ATXN2: variants seen among roughly 807,000 people sequenced by gnomAD.
The protein encoded by ATXN2 is ataxin-2.
ATXN2 carries 37 observed loss-of-function variants against 138.6 expected under a neutral mutation model. That is an observed-to-expected ratio of 0.27 (90% CI 0.21 to 0.35). ATXN2 has a LOEUF of 0.35. Ranked by LOEUF, ATXN2 falls within the 10% of genes least tolerant of loss-of-function variation. ATXN2 has a pLI of 1.00. For synonymous variants in ATXN2, 549 were observed against 543.7 expected, an observed-to-expected ratio of 1.01 and a Z score of -0.13; for missense variants, 1,216 against 1,480.3, an observed-to-expected ratio of 0.82 and a Z score of 2.93.
intron 6 of ATXN2, among the ~76,000 whole-genome samples, chr12:111,524,759 G>A (rs1040169351): frequency 7.9e-5 from 12 of 152,094 alleles, no homozygotes; most frequent in African/African-American, 2.7e-4. Context: ...TTATCTTAAT[G>A]ACAACCTTTT....
At chr12:111,550,026 C>T (rs549222057) in intron 5 of ATXN2, among the ~76,000 whole-genome samples, 5 of 146,418 alleles carry the variant, frequency 3.4e-5, no homozygotes, top group African/African-American at 1.0e-4. Flanking sequence ...CAGGCCACTG[C>T]ACTCCAGCCT....
intron 1 of ATXN2, among the ~76,000 whole-genome samples, chr12:111,591,225 CT>C (rs1278228051): frequency 1.3e-5 from 2 of 152,080 alleles, no homozygotes; most frequent in Admixed American, 6.6e-5. Flanking sequence ...TCCCCTGCCC[CT>C]ATGGAAAAAC....
At chr12:111,477,595 T>C (rs2135684859) in intron 18 of ATXN2, among the ~76,000 whole-genome samples, 1 of 152,190 alleles carries the variant, frequency 6.6e-6, no homozygotes, top group South Asian at 2.1e-4. Flanking sequence ...TAAATAAGGC[T>C]TCATTAAAAT....
In ATXN2 at chr12:111,552,821, C is replaced by T; in HGVS notation, c.420+85G>A. 1 of 900,622 alleles carries T rather than the reference C, an allele frequency of 1.1e-6. No individual in the cohort carries two copies. Among genetic ancestry groups the T allele is most frequent in the Admixed American group, 3.1e-5 (1 of 32,270 alleles). 55.8% of individuals were successfully genotyped at this position (900,622 alleles called of 1,614,324 possible). On this transcript the variant is annotated intron_variant, in intron 4 of 24. Coordinates refer to ENST00000673436, the MANE Select transcript of ATXN2 (RefSeq NM_001372574.1). The surrounding 1 kb of genome is among the most constrained non-coding windows in gnomAD (Gnocchi z 4.1). ...TTTGAAACTGAGAAGTAAAATCATT[C>T]AAAGTGGCTTTAAAAACTAGGTAAA...
intron 6 of ATXN2, among the ~76,000 whole-genome samples, chr12:111,524,813 T>C: frequency 6.6e-6 from 1 of 152,232 alleles, no homozygotes; most frequent in Non-Finnish European, 1.5e-5. Flanking sequence ...ACCTCTTCTC[T>C]AGGTGAAGTC....
intron 1 of ATXN2, among the ~76,000 whole-genome samples, chr12:111,572,304 G>T (rs1883369394): frequency 6.6e-6 from 1 of 151,854 alleles, no homozygotes; most frequent in Non-Finnish European, 1.5e-5. Context: ...GAGAGGCTGA[G>T]GCAGGAGAAT....
chr12:111,477,920 G>A (rs1308406990), intron 18 of ATXN2, among the ~76,000 whole-genome samples: 1 of 151,702 alleles, frequency 6.6e-6, no homozygotes, highest in Non-Finnish European at 1.5e-5. Context: ...CAAGTAGCTG[G>A]GACCATAGGA....
chr12:111,540,645 A>G lies in ATXN2; in HGVS notation c.571+11635T>C. On this transcript the variant is annotated intron_variant, in intron 5 of 24. Coordinates refer to ENST00000673436, the MANE Select transcript of ATXN2 (RefSeq NM_001372574.1). ...TTAAAACTATTTTTCTACTTTTCCC[A>G]GTTTGTGGCATGTCTTTTTAAATGT... Among the ~76,000 whole-genome samples the G allele has an allele frequency of 1.3e-5, 2 of 148,520 alleles. 1 individual carries two copies. Among genetic ancestry groups the G allele is most frequent in the Non-Finnish European group, 3.0e-5 (2 of 66,568 alleles).
At chr12:111,540,046 G>C (rs1881413017) in intron 5 of ATXN2, among the ~76,000 whole-genome samples, 1 of 150,228 alleles carries the variant, frequency 6.7e-6, no homozygotes, top group Admixed American at 6.7e-5. Context: ...ACATTTTATA[G>C]ATTCGGATTC....
chr12:111,460,051 T>C (rs567677214), intron 21 of ATXN2, among the ~76,000 whole-genome samples: 7 of 152,274 alleles, frequency 4.6e-5, no homozygotes, highest in African/African-American at 1.7e-4. Flanking sequence ...AAAAGCCACA[T>C]GTAGCTAAGT....
intron 14 of ATXN2, among the ~76,000 whole-genome samples, chr12:111,502,873 A>G (rs1878867692): frequency 6.6e-6 from 1 of 152,214 alleles, no homozygotes; most frequent in African/African-American, 2.4e-5. Context: ...GCACTATGCT[A>G]AACACTTTAT....
At chr12:111,493,731 C>A (rs549788613) in intron 14 of ATXN2, among the ~76,000 whole-genome samples, 12 of 151,004 alleles carry the variant, frequency 7.9e-5, no homozygotes, top group Admixed American at 7.9e-4. Context: ...CAGGTTCAAG[C>A]GATTCTCCTG....
At chr12:111,487,559 C>T (rs529661029) in intron 15 of ATXN2, among the ~76,000 whole-genome samples, 48 of 152,108 alleles carry the variant, frequency 3.2e-4, no homozygotes, top group African/African-American at 1.1e-3. Flanking sequence ...CTTCTGGGTT[C>T]AAGCAATTCT....
chr12:111,510,053 A>C (rs1190741760), intron 12 of ATXN2, 55 bp from the exon 13 acceptor site: 4 of 1,229,950 alleles, frequency 3.3e-6, no homozygotes, highest in Non-Finnish European at 3.5e-6. Flanking sequence ...CAAAACAAGA[A>C]AACACTGAAC....
At chr12:111,511,661 TCACCATGTTGGCCA>T (rs1348800268) in intron 11 of ATXN2, 1 of 152,106 alleles carries the variant, frequency 6.6e-6, no homozygotes, top group East Asian at 1.9e-4. Flanking sequence ...AGACGACGTT[TCACCATGTTGGCCA>T]GGCTGGTGTT....
At chr12:111,548,241 A>C (rs1881938717) in intron 5 of ATXN2, among the ~76,000 whole-genome samples, 1 of 152,212 alleles carries the variant, frequency 6.6e-6, no homozygotes, top group Admixed American at 6.5e-5. Context: ...GAGATAAACA[A>C]CAAACCAAAC....
chr12:111,488,484 GTCTT>G lies in ATXN2; in HGVS notation c.2228_2231del (p.Lys743ThrfsTer11). On this transcript the variant is annotated frameshift_variant, in exon 15 of 25. Transcript: ENST00000673436. LOFTEE classifies it high-confidence loss of function. ...GTTCCAGGTTTACTCACTCAGCTGCGTCTTTCTTCTCTTCCTTATCGTCTTTCTC... is the reference window on the plus strand; with the variant it reads ...GTTCCAGGTTTACTCACTCAGCTGCGTCTTCTCTTCCTTATCGTCTTTCTC... 6.2e-7 allele frequency: 1 copy of G among 1,608,062 alleles called. No individual in the cohort carries two copies. Among genetic ancestry groups the G allele is most frequent in the East Asian group, 2.2e-5 (1 of 44,776 alleles).
intron 1 of ATXN2, among the ~76,000 whole-genome samples, chr12:111,597,277 C>T (rs1884984381): frequency 6.6e-6 from 1 of 152,192 alleles, no homozygotes. Context: ...AATAAAAATT[C>T]TTTGGAAATG....
At position 111,552,881 on chromosome 12, in the gene ATXN2, G is replaced by C; in HGVS notation, c.420+25C>G. 3 of 1,465,456 alleles carry C rather than the reference G, an allele frequency of 2.0e-6. No individual in the cohort carries two copies. The highest frequency in any genetic ancestry group is 2.8e-6 in the Non-Finnish European group (3 of 1,083,588). The allele number at this position is 1,465,456 out of a possible 1,614,324, so 90.8% of individuals were successfully genotyped here. ...ATGAAAATGTTCTTTTACTTTGTAA[G>C]AAAAAGAAAAAAAGTAAAAATTACC... On this transcript the variant is annotated intron_variant, in intron 4 of 24. Transcript: ENST00000673436. The surrounding 1 kb of genome is among the most constrained non-coding windows in gnomAD (Gnocchi z 4.1).
Sources: allele counts gnomAD v4.1 joint callset (sites outside exome capture counted in the v4.1 genomes callset), GRCh38; gene constraint gnomAD v4.1.1; non-coding constraint Gnocchi (gnomAD v3.1); transcripts MANE v1.5; gene names NCBI Gene and HGNC (gene_info 2026-07-23, HGNC 2026-07-21).